The following HERC2 variants were observed in gnomAD, a reference collection of about 807,000 sequenced individuals.
HERC2 encodes the protein E3 ubiquitin-protein ligase HERC2.
Under a neutral mutation model 537.7 loss-of-function variants are expected in HERC2, and 102 were observed. The observed-to-expected ratio is 0.19, with a 90% CI of 0.16 to 0.22. HERC2 has a LOEUF of 0.22. Ranked by LOEUF, HERC2 falls within the 10% of genes least tolerant of loss-of-function variation. The pLI is 1.00. For synonymous variants in HERC2, 2,224 were observed against 2,466.2 expected (o/e 0.90, Z 2.91); for missense variants, 4,236 against 6,198.2 (o/e 0.68, Z 10.63).
intron 19 of HERC2, among the ~76,000 whole-genome samples, chr15:28,254,915 G>T (rs965631222): frequency 1.3e-5 from 2 of 152,296 alleles, no homozygotes; most frequent in African/African-American, 4.8e-5. Flanking sequence ...AAAGCCACTT[G>T]GGGAAACTAT....
At chr15:28,135,830 A>G (rs1245269046) in intron 78 of HERC2, 138 bp from the exon 79 acceptor site, 5 of 655,702 alleles carry the variant, frequency 7.6e-6, no homozygotes, top group Non-Finnish European at 7.8e-6. Flanking sequence ...TCTCAGGAAT[A>G]TAAGTTTATG....
chr15:28,174,812 A>G (rs980903052), intron 64 of HERC2, among the ~76,000 whole-genome samples, 192 bp from the exon 65 acceptor site: 2 of 152,166 alleles, frequency 1.3e-5, no homozygotes, highest in African/African-American at 4.8e-5. Context: ...AGAAAATCTA[A>G]CCATGAAAAT....
chr15:28,168,083 C>T (rs1417902750), intron 67 of HERC2, among the ~76,000 whole-genome samples: 4 of 152,170 alleles, frequency 2.6e-5, no homozygotes. Flanking sequence ...TCACATGAAC[C>T]AGACTAAAAT....
intron 65 of HERC2, among the ~76,000 whole-genome samples, chr15:28,172,246 C>A (rs1894781468): frequency 6.6e-6 from 1 of 152,114 alleles, no homozygotes; most frequent in Non-Finnish European, 1.5e-5. Flanking sequence ...ATCAAAATCC[C>A]AAGCAAACGA....
In HERC2 at chr15:28,141,439, T is replaced by A. The variant is rs758829268; in HGVS notation, c.12008A>T (p.Asp4003Val). The part of the protein sequence containing the change: ...GEQTLFAVTA[D>V]GKLYATGYGA... ...TAGAAAAAGAGCTCTTACCTTCCCA[T>A]CAGCCGTCACAGCAAAGAGGGTCTG... Residue 4003 changes from aspartate (D) to valine (V), a missense_variant, in exon 78 of 93, where the codon GAT becomes GTT. Physicochemically the swap from Asp to Val is radical, Grantham distance 152 (BLOSUM62 -3). Coordinates refer to ENST00000261609, the MANE Select transcript of HERC2 (RefSeq NM_004667.6). 1.2e-6 allele frequency: 2 copies of A among 1,614,020 alleles called. No homozygotes were observed. The highest frequency in any genetic ancestry group is 1.7e-6 in the Non-Finnish European group (2 of 1,179,976).
rs151037651 is a variant in HERC2, at chr15:28,274,027, G to A, written c.800+264C>T. Among the ~76,000 whole-genome samples, 8 of 152,232 alleles carry A rather than the reference G, an allele frequency of 5.3e-5. No individual in the cohort carries two copies. In the East Asian group the frequency reaches 1.2e-3, roughly 22 times the overall value. The stretch of plus-strand genomic sequence containing the variant: ...ACAGTGTAAGCACTCAAACCTCTAC[G>A]AATGACTGATGGCCAAATCTCTAAG... On this transcript the variant is annotated intron_variant, in intron 7 of 92. Transcript: ENST00000261609.
At position 28,308,712 on chromosome 15, in the gene HERC2, G is replaced by C. The variant is rs193238528; in HGVS notation, c.73-9196C>G. On this transcript the variant is annotated intron_variant, in intron 2 of 92. Coordinates refer to ENST00000261609, the MANE Select transcript of HERC2 (RefSeq NM_004667.6). ...TGTCATATACGGCTTTTATTATGTTGAGGTATGTTTCTTCCATAACCAGTT... is the reference window on the plus strand; with the variant it reads ...TGTCATATACGGCTTTTATTATGTTCAGGTATGTTTCTTCCATAACCAGTT... Among the ~76,000 whole-genome samples the C allele has an allele frequency of 5.7e-3, 874 of 152,284 alleles. 7 individuals are homozygous for C. The highest frequency in any genetic ancestry group is 0.019 in the African/African-American group (796 of 41,554).
intron 70 of HERC2, 82 bp downstream of exon 70, chr15:28,152,595 G>C (rs1892567637): frequency 8.2e-7 from 1 of 1,224,430 alleles, no homozygotes; most frequent in Non-Finnish European, 1.1e-6. Flanking sequence ...GGAGATGGTT[G>C]TTTCTACTGA....
At chr15:28,244,858 A>G (rs953238614) in intron 23 of HERC2, among the ~76,000 whole-genome samples, 1 of 152,178 alleles carries the variant, frequency 6.6e-6, no homozygotes, top group African/African-American at 2.4e-5. Context: ...ACACGAGAAG[A>G]AAAAAAGCCC....
In HERC2 at chr15:28,274,875, C is replaced by T. The variant is rs781593011; in HGVS notation, c.643+30G>A. On this transcript the variant is annotated intron_variant, in intron 6 of 92. Transcript: ENST00000261609. ...CCAGTCTGTTGATGTATTAGGGAAG[C>T]AGAACAACGCGCCACACCAGGGACC... The T allele has an allele frequency of 3.2e-6, 5 of 1,550,626 alleles. No homozygotes were observed. The Admixed American group carries it at 8.4e-5, about 26-fold the overall frequency.
intron 67 of HERC2, 142 bp from the exon 68 acceptor site, chr15:28,167,969 G>T: frequency 1.1e-6 from 1 of 923,704 alleles, no homozygotes; most frequent in Non-Finnish European, 1.6e-6. Context: ...GTAACATGGT[G>T]CCCACCAGAC....
chr15:28,174,321 G>C, intron 65 of HERC2, 74 bp downstream of exon 65: 1 of 1,065,898 alleles, frequency 9.4e-7, no homozygotes, highest in East Asian at 2.5e-5. Flanking sequence ...AATTGTGTTG[G>C]CACAATTAAA....
chr15:28,185,988 G>A (rs1223743631), intron 56 of HERC2, among the ~76,000 whole-genome samples: 1 of 152,084 alleles, frequency 6.6e-6, no homozygotes, highest in African/African-American at 2.4e-5. Context: ...GATAAAATAA[G>A]GAATTGAGTG....
chr15:28,274,226 G>A, intron 7 of HERC2, 65 bp downstream of exon 7: 1 of 1,552,174 alleles, frequency 6.4e-7, no homozygotes, highest in Non-Finnish European at 8.8e-7. Context: ...AAGCAAGGGT[G>A]GTAAGAACCA....
chr15:28,131,872 C>T (rs1890144121), intron 81 of HERC2, among the ~76,000 whole-genome samples: 1 of 152,204 alleles, frequency 6.6e-6, no homozygotes, highest in African/African-American at 2.4e-5. Context: ...CAAGAGAACG[C>T]ACACAGCACA....
In HERC2 at chr15:28,182,418, C is replaced by T. The variant is rs1368072858; in HGVS notation, c.8920G>A (p.Gly2974Arg). ...GGCCGTACCTTGGAGCCTTTCAGCC[C>T]GCCCAGCTGGTCCTTGTCATTCAGG... Reference protein sequence around the residue: ...WGLNDKDQLGGLKGSKIKVPS... With the variant: ...WGLNDKDQLGRLKGSKIKVPS... The change falls in exon 57 of 93, where the codon GGG (glycine) becomes AGG (arginine). Residue 2974 changes from glycine (G) to arginine (R), a missense_variant. This residue lies in a region of HERC2 where 606 missense variants were observed against 884.5 expected (regional missense o/e 0.69). Coordinates refer to ENST00000261609, the MANE Select transcript of HERC2 (RefSeq NM_004667.6). 4.3e-6 allele frequency: 7 copies of T among 1,613,468 alleles called. No homozygotes were observed. The highest frequency in any genetic ancestry group is 1.3e-5 in the African/African-American group (1 of 74,862).
chr15:28,167,198 A>T (rs1894230894), intron 68 of HERC2, among the ~76,000 whole-genome samples: 1 of 152,188 alleles, frequency 6.6e-6, no homozygotes, highest in Non-Finnish European at 1.5e-5. Context: ...CAGTGGAGAA[A>T]CTTGGCAGAG....
Position 28,265,866 on chromosome 15 carries a change from C to A in HERC2, c.1707G>T (p.Glu569Asp). 1 of 1,614,204 alleles carries A rather than the reference C, an allele frequency of 6.2e-7. No individual in the cohort carries two copies. The highest frequency in any genetic ancestry group is 8.5e-7 in the Non-Finnish European group (1 of 1,180,054). Residue 569 changes from glutamate to aspartate, a missense_variant, in exon 13 of 93, where the codon GAG (glutamate) becomes GAT (aspartate). Physicochemically the swap from Glu to Asp is conservative, Grantham distance 45. Coordinates refer to ENST00000261609, the MANE Select transcript of HERC2 (RefSeq NM_004667.6). The surrounding 1 kb of genome is among the most constrained non-coding windows in gnomAD (Gnocchi z 4.0). Reference sequence around the variant, plus strand: ...CGCGGCCCCAGGTGTACAGCTCCCCCTCGGCAGTGATGGCCGCACTGTAAG... The same window carrying A: ...CGCGGCCCCAGGTGTACAGCTCCCCATCGGCAGTGATGGCCGCACTGTAAG... ...GSTYSAAITA[E>D]GELYTWGRGN...
chr15:28,184,677 C>T (rs922007019), intron 56 of HERC2, among the ~76,000 whole-genome samples: 1 of 151,732 alleles, frequency 6.6e-6, no homozygotes, highest in Non-Finnish European at 1.5e-5. Context: ...CTGGCTAACA[C>T]GGTGAAAGCC....
Sources: allele counts gnomAD v4.1 joint callset (sites outside exome capture counted in the v4.1 genomes callset), GRCh38; gene constraint gnomAD v4.1.1; regional missense constraint gnomAD v4.1.1; non-coding constraint Gnocchi (gnomAD v3.1); transcripts MANE v1.5; gene names NCBI Gene and HGNC (gene_info 2026-07-23, HGNC 2026-07-21).